The following FAM178B variants were observed in gnomAD, a reference collection of about 807,000 sequenced individuals.
The protein encoded by FAM178B is protein FAM178B.
Under a neutral mutation model 91.7 loss-of-function variants are expected in FAM178B, and 82 were observed. The observed-to-expected ratio is 0.89, with a 90% CI of 0.75 to 1.07. The LOEUF (loss-of-function observed/expected upper bound fraction) is 1.07. Among genes scored for constraint, FAM178B ranks in the 50% least tolerant of loss-of-function variants. The pLI is 0.00. For synonymous variants in FAM178B, 368 were observed against 359.4 expected, an observed-to-expected ratio of 1.02 and a Z score of -0.27; for missense variants, 769 against 846.7, an observed-to-expected ratio of 0.91 and a Z score of 1.14.
At chr2:96,951,638 A>G (rs1343082501) in intron 6 of FAM178B, 154 bp from the exon 7 acceptor site, 5 of 625,696 alleles carry the variant, frequency 8.0e-6, no homozygotes, top group Admixed American at 2.6e-5. Flanking sequence ...CCCTCAGTGC[A>G]TGATCTGTCA....
intron 9 of FAM178B, among the ~76,000 whole-genome samples, chr2:96,926,913 G>C (rs145447514): frequency 2.0e-5 from 3 of 152,308 alleles, no homozygotes; most frequent in Non-Finnish European, 2.9e-5. Context: ...AGGCACTGTG[G>C]GTAGCCCAGG....
intron 1 of FAM178B, among the ~76,000 whole-genome samples, chr2:96,978,485 C>T (rs75695456): frequency 1.3e-5 from 2 of 152,156 alleles, no homozygotes; most frequent in Non-Finnish European, 2.9e-5. Context: ...CTGTGGCTTC[C>T]TTCTGTACAT....
rs1015866891 is a variant in FAM178B at position 96,971,946 on chromosome 2, C to T, written c.519G>A (p.Leu173=). ...GGCTCAGGCCTGACGTGTTCCAGAA[C>T]AGCTTCTCTGGCAAGGCCAGGCCCC... The part of the protein sequence containing the change: ...PKRGLALPEK[L]FWNTSGLSQQ... The change falls in exon 3 of 17, where the codon CTG becomes CTA. Residue 173 remains leucine (L), a synonymous_variant. Transcript: ENST00000490605. 6.5e-7 allele frequency: 1 copy of T among 1,544,568 alleles called. No individual in the cohort carries two copies. The highest frequency in any genetic ancestry group is 8.7e-7 in the Non-Finnish European group (1 of 1,144,476).
intron 1 of FAM178B, among the ~76,000 whole-genome samples, chr2:96,973,479 C>G (rs2082250582): frequency 6.6e-6 from 1 of 152,168 alleles, no homozygotes; most frequent in Non-Finnish European, 1.5e-5. Context: ...GTAGGAGGAA[C>G]TGCCTGTCTC....
chr2:96,882,305 C>T (rs755843967), intron 14 of FAM178B, among the ~76,000 whole-genome samples: 7 of 152,234 alleles, frequency 4.6e-5, no homozygotes, highest in Non-Finnish European at 8.8e-5. Flanking sequence ...AAACCGCCAG[C>T]GGCTGTGGAC....
chr2:96,952,669 C>T (rs1020476674), intron 6 of FAM178B, among the ~76,000 whole-genome samples: 2 of 152,150 alleles, frequency 1.3e-5, no homozygotes, highest in Non-Finnish European at 2.9e-5. Flanking sequence ...TGGACTTTGT[C>T]ACCGTTCCTG....
At chr2:96,938,003 C>T (rs1269314791) in intron 8 of FAM178B, among the ~76,000 whole-genome samples, 2 of 152,200 alleles carry the variant, frequency 1.3e-5, no homozygotes, top group African/African-American at 4.8e-5. Flanking sequence ...CACTGCACTC[C>T]AGCCTGGGTG....
At chr2:96,932,162 C>T (rs1476166605) in intron 8 of FAM178B, among the ~76,000 whole-genome samples, 1 of 152,162 alleles carries the variant, frequency 6.6e-6, no homozygotes, top group Non-Finnish European at 1.5e-5. Context: ...GTGCCCGCCT[C>T]CCCTTGAGAT....
intron 8 of FAM178B, among the ~76,000 whole-genome samples, chr2:96,934,635 T>C (rs980685762): frequency 6.6e-6 from 1 of 152,192 alleles, no homozygotes; most frequent in Non-Finnish European, 1.5e-5. Flanking sequence ...ACCGGCGTTC[T>C]CCCAAAGAGT....
intron 8 of FAM178B, among the ~76,000 whole-genome samples, chr2:96,931,703 G>C (rs1238630357): frequency 6.6e-6 from 1 of 152,220 alleles, no homozygotes; most frequent in African/African-American, 2.4e-5. Flanking sequence ...AGTGCTGGCA[G>C]ACGGCAGGAT....
chr2:96,928,671 G>A (rs1284450643), intron 9 of FAM178B, among the ~76,000 whole-genome samples: 3 of 152,188 alleles, frequency 2.0e-5, no homozygotes, highest in African/African-American at 7.2e-5. Context: ...GGGGCAGCGG[G>A]GGCTGAGTCA....
chr2:96,952,615 C>T (rs2081946425), intron 6 of FAM178B, among the ~76,000 whole-genome samples: 2 of 152,122 alleles, frequency 1.3e-5, no homozygotes, highest in African/African-American at 4.8e-5. Context: ...GTTGTAGGGC[C>T]TCTGGTAGAA....
At chr2:96,903,090 A>T (rs1426290019) in intron 12 of FAM178B, among the ~76,000 whole-genome samples, 1 of 152,138 alleles carries the variant, frequency 6.6e-6, no homozygotes, top group Non-Finnish European at 1.5e-5. Context: ...CCCAGGCTGG[A>T]GTGCAGTGGC....
At chr2:96,963,794 CAGAG>C (rs1037528812) in intron 5 of FAM178B, among the ~76,000 whole-genome samples, 2 of 152,240 alleles carry the variant, frequency 1.3e-5, no homozygotes, top group African/African-American at 4.8e-5. Flanking sequence ...GCAGAGTTGA[CAGAG>C]ACCACCTGGT....
chr2:96,876,784 C>T (rs1474828296), intron 16 of FAM178B, among the ~76,000 whole-genome samples: 1 of 151,932 alleles, frequency 6.6e-6, no homozygotes, highest in African/African-American at 2.4e-5. Flanking sequence ...GGGTGGTCCT[C>T]ACCAGGTCCT....
chr2:96,952,819 G>A (rs368482112), intron 6 of FAM178B, among the ~76,000 whole-genome samples: 2 of 152,054 alleles, frequency 1.3e-5, no homozygotes, highest in Non-Finnish European at 2.9e-5. Flanking sequence ...AAATGAAAAC[G>A]TAAGTCACAT....
intron 5 of FAM178B, among the ~76,000 whole-genome samples, chr2:96,961,680 A>AG (rs967308892): frequency 3.0e-4 from 45 of 152,290 alleles, no homozygotes; most frequent in African/African-American, 1.1e-3. Context: ...AGAACAGCCC[A>AG]GGGGCCCCCT....
At chr2:96,934,579 C>T (rs2081593932) in intron 8 of FAM178B, among the ~76,000 whole-genome samples, 1 of 152,160 alleles carries the variant, frequency 6.6e-6, no homozygotes, top group Non-Finnish European at 1.5e-5. Flanking sequence ...TAAAAACATG[C>T]ACATTTTGTT....
chr2:96,965,467 T>A (rs1157421871), intron 5 of FAM178B, among the ~76,000 whole-genome samples: 1 of 141,306 alleles, frequency 7.1e-6, no homozygotes. Context: ...TCTCCCCCCA[T>A]TTTTTTTTTT....
Sources: allele counts gnomAD v4.1 joint callset (sites outside exome capture counted in the v4.1 genomes callset), GRCh38; gene constraint gnomAD v4.1.1; transcripts MANE v1.5; gene names NCBI Gene and HGNC (gene_info 2026-07-23, HGNC 2026-07-21).